Variants in CSMD1 observed in about 807,000 individuals in gnomAD.
The protein encoded by CSMD1 is CUB and sushi domain-containing protein 1.
A neutral mutation model predicts 417.5 loss-of-function variants in CSMD1; 213 were observed. The observed-to-expected ratio is 0.51, with a 90% CI of 0.46 to 0.57. The LOEUF (loss-of-function observed/expected upper bound fraction) is 0.57, where lower values mean the gene tolerates loss of function less well. Among genes scored for constraint, CSMD1 ranks in the 20% least tolerant of loss-of-function variants. CSMD1 has a pLI of 0.00. For missense variants in CSMD1, 6,923 were observed against 4,529.7 expected (o/e 1.53, Z -15.17); for synonymous variants, 2,862 against 1,736.8 (o/e 1.65, Z -16.11).
chr8:3,821,427 G>C (rs532923997), intron 5 of CSMD1, among the ~76,000 whole-genome samples: 3 of 152,182 alleles, frequency 2.0e-5, no homozygotes, highest in Non-Finnish European at 4.4e-5. Flanking sequence ...TATGCATTCT[G>C]CTATGACGCA....
intron 1 of CSMD1, among the ~76,000 whole-genome samples, chr8:4,688,105 G>A (rs1029804299): frequency 6.6e-6 from 1 of 152,114 alleles, no homozygotes; most frequent in African/African-American, 2.4e-5. Context: ...CTACATTCAT[G>A]TAGAAATTGG....
chr8:4,255,539 A>T (rs1055816789), intron 3 of CSMD1, among the ~76,000 whole-genome samples: 1 of 152,202 alleles, frequency 6.6e-6, no homozygotes, highest in Non-Finnish European at 1.5e-5. Context: ...AGTCGCAATC[A>T]CTTTTGTTTT....
At chr8:3,805,304 A>T (rs1800670649) in intron 5 of CSMD1, among the ~76,000 whole-genome samples, 1 of 152,182 alleles carries the variant, frequency 6.6e-6, no homozygotes. Flanking sequence ...AGATTCCACC[A>T]GGACACCAGC....
chr8:2,990,450 A>G (rs1028492163), intron 54 of CSMD1, among the ~76,000 whole-genome samples: 3 of 152,100 alleles, frequency 2.0e-5, no homozygotes, highest in Non-Finnish European at 4.4e-5. Flanking sequence ...TATCCCCTAA[A>G]CCCATCCCCC....
intron 1 of CSMD1, among the ~76,000 whole-genome samples, chr8:4,840,558 G>C (rs930191072): frequency 6.6e-6 from 1 of 152,202 alleles, no homozygotes; most frequent in Non-Finnish European, 1.5e-5. Context: ...ACTTCCCAGA[G>C]AAAGAAAATA....
At chr8:3,707,398 G>A (rs548607792) in intron 7 of CSMD1, among the ~76,000 whole-genome samples, 91 of 152,148 alleles carry the variant, frequency 6.0e-4, no homozygotes, top group African/African-American at 2.2e-3. Flanking sequence ...CAAAACACCG[G>A]GGACAGGCGC....
chr8:4,269,141 C>T (rs78992940), intron 3 of CSMD1, among the ~76,000 whole-genome samples: 4 of 152,324 alleles, frequency 2.6e-5, no homozygotes, highest in Non-Finnish European at 5.9e-5. Context: ...ACTGAAATCT[C>T]TGTCTCCTGG....
At chr8:3,745,198 T>A (rs1797008878) in intron 6 of CSMD1, among the ~76,000 whole-genome samples, 1 of 152,236 alleles carries the variant, frequency 6.6e-6, no homozygotes, top group Admixed American at 6.5e-5. Context: ...TTCTCTGTTA[T>A]ATTTTTTGGG....
chr8:4,656,736 G>C (rs1804256986), intron 1 of CSMD1, among the ~76,000 whole-genome samples: 1 of 151,892 alleles, frequency 6.6e-6, no homozygotes, highest in Non-Finnish European at 1.5e-5. Flanking sequence ...ACAGTGTTTG[G>C]GGACACTAAA....
intron 47 of CSMD1, among the ~76,000 whole-genome samples, chr8:3,094,375 G>T (rs1318238718): frequency 6.6e-6 from 1 of 152,164 alleles, no homozygotes; most frequent in Non-Finnish European, 1.5e-5. Context: ...AAAGTGCTGG[G>T]ATTACAGGCG....
chr8:4,189,083 G>A (rs1352113722), intron 3 of CSMD1, among the ~76,000 whole-genome samples: 1 of 152,192 alleles, frequency 6.6e-6, no homozygotes. Context: ...ATCTAGTAAT[G>A]AAAATACATG....
intron 2 of CSMD1, among the ~76,000 whole-genome samples, chr8:4,482,187 A>AC (rs759149886): frequency 1.3e-5 from 2 of 151,894 alleles, no homozygotes; most frequent in African/African-American, 2.4e-5. Context: ...AGATTATTTC[A>AC]CCCCCCAAGT....
At chr8:4,005,845 T>G (rs567416666) in intron 4 of CSMD1, among the ~76,000 whole-genome samples, 1 of 152,348 alleles carries the variant, frequency 6.6e-6, no homozygotes, top group South Asian at 2.1e-4. Flanking sequence ...ATAAGCACTG[T>G]CTTTTAATTC....
At chr8:4,874,075 A>G (rs1374487074) in intron 1 of CSMD1, among the ~76,000 whole-genome samples, 1 of 152,130 alleles carries the variant, frequency 6.6e-6, no homozygotes, top group African/African-American at 2.4e-5. Flanking sequence ...AAACTTTAAC[A>G]TAGGCAAGCA....
intron 3 of CSMD1, among the ~76,000 whole-genome samples, chr8:4,109,669 C>G (rs1046049264): frequency 6.6e-6 from 1 of 152,092 alleles, no homozygotes; most frequent in Non-Finnish European, 1.5e-5. Flanking sequence ...TGTCCATTAT[C>G]ATTAAATAAT....
chr8:3,381,198 G>A (rs1203342426), intron 18 of CSMD1, among the ~76,000 whole-genome samples: 4 of 151,738 alleles, frequency 2.6e-5, no homozygotes, highest in Admixed American at 6.6e-5. Flanking sequence ...TTACAGGTAT[G>A]ACTAAAATGA....
intron 1 of CSMD1, among the ~76,000 whole-genome samples, chr8:4,679,012 G>A (rs779469222): frequency 1.3e-5 from 2 of 152,162 alleles, no homozygotes; most frequent in Non-Finnish European, 2.9e-5. Context: ...AGAACAACAG[G>A]GACCTGCCCA....
At chr8:4,340,576 C>G (rs1283527242) in intron 3 of CSMD1, among the ~76,000 whole-genome samples, 1 of 152,016 alleles carries the variant, frequency 6.6e-6, no homozygotes, top group Non-Finnish European at 1.5e-5. Flanking sequence ...GGGACAAAAC[C>G]CACCCTGCTG....
At chr8:3,188,306 T>TTC (rs1274096717) in intron 35 of CSMD1, among the ~76,000 whole-genome samples, 10 of 124,642 alleles carry the variant, frequency 8.0e-5, no homozygotes, top group South Asian at 5.5e-4. Flanking sequence ...TTTCCTTTCT[T>TTC]TTTTTTTTTT....
Sources: allele counts gnomAD v4.1 joint callset (sites outside exome capture counted in the v4.1 genomes callset), GRCh38; gene constraint gnomAD v4.1.1; transcripts MANE v1.5; gene names NCBI Gene and HGNC (gene_info 2026-07-23, HGNC 2026-07-21).